Variants in NR5A2 observed in about 807,000 individuals in gnomAD.
The protein encoded by NR5A2 is CYP7A promoter-binding factor.
NR5A2 carries 26 observed loss-of-function variants against 62.7 expected under a neutral mutation model. The ratio of observed to expected loss-of-function variants is 0.41; its 90% CI spans 0.30 to 0.58. NR5A2 has a LOEUF of 0.58. Ranked by LOEUF, NR5A2 falls within the 20% of genes least tolerant of loss-of-function variation. The pLI is 0.22. For synonymous variants in NR5A2, 246 were observed against 241.7 expected, an observed-to-expected ratio of 1.02 and a Z score of -0.16; for missense variants, 541 against 669.1, an observed-to-expected ratio of 0.81 and a Z score of 2.11.
intron 5 of NR5A2, among the ~76,000 whole-genome samples, chr1:200,077,502 T>C (rs1314298911): frequency 6.6e-6 from 1 of 152,146 alleles, no homozygotes; most frequent in East Asian, 1.9e-4. Context: ...TCACCTAAGG[T>C]CAGGAGTTCA....
chr1:200,061,594 A>G (rs1283226649), intron 5 of NR5A2, among the ~76,000 whole-genome samples: 1 of 152,078 alleles, frequency 6.6e-6, no homozygotes, highest in African/African-American at 2.4e-5. Context: ...TAACTTTACA[A>G]CCAAACTTGA....
At chr1:200,139,396 GGT>G (rs1667355181) in intron 7 of NR5A2, among the ~76,000 whole-genome samples, 2 of 152,086 alleles carry the variant, frequency 1.3e-5, no homozygotes, top group African/African-American at 4.8e-5. Context: ...ATATTGACTT[GGT>G]GTGATAACAG....
intron 7 of NR5A2, among the ~76,000 whole-genome samples, chr1:200,137,463 GC>G (rs1278099251): frequency 8.6e-5 from 13 of 151,996 alleles, no homozygotes; most frequent in Non-Finnish European, 1.8e-4. Flanking sequence ...ACCACACCTG[GC>G]CCAGATTTTA....
chr1:200,167,663 T>A (rs114692818), intron 7 of NR5A2, among the ~76,000 whole-genome samples: 1 of 152,226 alleles, frequency 6.6e-6, no homozygotes, highest in African/African-American at 2.4e-5. Flanking sequence ...CCATCTGACA[T>A]GCAGCACTCT....
intron 2 of NR5A2, among the ~76,000 whole-genome samples, chr1:200,041,539 C>T (rs913550715): frequency 6.6e-6 from 1 of 152,160 alleles, no homozygotes; most frequent in Non-Finnish European, 1.5e-5. Flanking sequence ...CTACATGGTC[C>T]CGGGACAGAG....
rs566926912 is a variant in NR5A2, at chr1:200,121,054, T to G, written c.1378+99T>G. 3 of 1,208,686 alleles carry G rather than the reference T, an allele frequency of 2.5e-6. No individual in the cohort carries two copies. In the East Asian group the frequency reaches 7.1e-5, roughly 29 times the overall value. The allele number at this position is 1,208,686 out of a possible 1,614,324, so 74.9% of individuals were successfully genotyped here. A position where few individuals can be genotyped will look rare whatever the true frequency, so the allele number is the denominator to read the frequency against. ...TCCATGTATGTTTTTGTTCTATCAA[T>G]ATAATGCCCTTCCTGTCAAATTATG... On this transcript the variant is annotated intron_variant, in intron 7 of 7. Coordinates refer to ENST00000367362, the MANE Select transcript of NR5A2 (RefSeq NM_205860.3).
rs370987975 is a variant in NR5A2 at position 200,048,464 on chromosome 1, C to G, written c.756C>G (p.His252Gln). The change falls in exon 5 of 8, where the codon CAC (histidine) becomes CAG (glutamine). Residue 252 changes from histidine (H) to glutamine (Q), a missense_variant. Physicochemically the swap from His to Gln is conservative, Grantham distance 24. Around this residue, in one of 3 missense-constraint regions of NR5A2, gnomAD observed 379 missense variants for 442.0 expected, o/e 0.86. Transcript: ENST00000367362. The surrounding 1 kb of genome is among the most constrained non-coding windows in gnomAD (Gnocchi z 4.8). ...TSPISMTMPP[H>Q]GSLQGYQTYG... ...CCATTAGCATGACAATGCCCCCTCA[C>G]GGCAGCCTGCAAGGTTACCAAACAT... 1.1e-5 allele frequency: 17 copies of G among 1,614,080 alleles called. No homozygotes were observed. The highest frequency in any genetic ancestry group is 1.4e-5 in the Non-Finnish European group (17 of 1,180,046).
chr1:200,137,181 T>C (rs1201175560), intron 7 of NR5A2, among the ~76,000 whole-genome samples: 1 of 151,440 alleles, frequency 6.6e-6, no homozygotes, highest in Non-Finnish European at 1.5e-5. Context: ...GACAGAGTCT[T>C]GCTCTGTTAC....
intron 2 of NR5A2, chr1:200,042,731 G>C: frequency 2.0e-4 from 94 of 468,604 alleles, no homozygotes; most frequent in Middle Eastern, 1.1e-3. Context: ...CCCGCGCCCC[G>C]CGCTCCCATA....
intron 5 of NR5A2, among the ~76,000 whole-genome samples, chr1:200,050,860 C>T (rs898908960): frequency 1.3e-5 from 2 of 152,080 alleles, no homozygotes; most frequent in Admixed American, 6.6e-5. Context: ...CCATTGCACT[C>T]GAGCCTGGGT....
At chr1:200,131,229 T>G (rs1280924759) in intron 7 of NR5A2, among the ~76,000 whole-genome samples, 1 of 144,976 alleles carries the variant, frequency 6.9e-6, no homozygotes, top group African/African-American at 2.9e-5. Flanking sequence ...ATAATAGGTG[T>G]TGTGGATTTT....
At chr1:200,112,521 A>T (rs888365228) in intron 6 of NR5A2, among the ~76,000 whole-genome samples, 3 of 152,222 alleles carry the variant, frequency 2.0e-5, no homozygotes, top group African/African-American at 7.2e-5. Context: ...CTATTTGGAA[A>T]TGAAGGGCTG....
At chr1:200,078,885 A>G (rs1664162110) in intron 5 of NR5A2, among the ~76,000 whole-genome samples, 1 of 152,208 alleles carries the variant, frequency 6.6e-6, no homozygotes, top group Non-Finnish European at 1.5e-5. Context: ...TACCTTTACA[A>G]TAATAGCTTT....
intron 5 of NR5A2, among the ~76,000 whole-genome samples, chr1:200,097,123 A>C (rs922156978): frequency 1.3e-5 from 2 of 152,240 alleles, no homozygotes; most frequent in African/African-American, 4.8e-5. Context: ...GGAAAATGTA[A>C]ACGATTTCTT....
intron 7 of NR5A2, among the ~76,000 whole-genome samples, chr1:200,157,205 T>C (rs1354950361): frequency 6.6e-6 from 1 of 152,192 alleles, no homozygotes; most frequent in Non-Finnish European, 1.5e-5. Flanking sequence ...CTTAGAGCAA[T>C]TTACTAATTT....
At chr1:200,084,373 G>C (rs1664432189) in intron 5 of NR5A2, among the ~76,000 whole-genome samples, 1 of 152,116 alleles carries the variant, frequency 6.6e-6, no homozygotes, top group Non-Finnish European at 1.5e-5. Flanking sequence ...TATGCTCAGG[G>C]ATTATCTTAA....
intron 5 of NR5A2, among the ~76,000 whole-genome samples, chr1:200,084,190 T>G (rs1319756383): frequency 6.6e-6 from 1 of 152,086 alleles, no homozygotes; most frequent in Non-Finnish European, 1.5e-5. Flanking sequence ...TTTTAGTGAC[T>G]AAGAGCATTT....
intron 5 of NR5A2, among the ~76,000 whole-genome samples, chr1:200,106,884 C>T (rs1005543846): frequency 2.0e-5 from 3 of 152,126 alleles, no homozygotes; most frequent in Admixed American, 2.0e-4. Flanking sequence ...ACTATGTTAT[C>T]CAAAGCACCA....
chr1:200,029,214 GCGCGCGCACGGGGGA>G (rs750667800), intron 1 of NR5A2: 4 of 243,612 alleles, frequency 1.6e-5, no homozygotes, highest in South Asian at 1.3e-4. Flanking sequence ...GACGCGGACT[GCGCGCGCACGGGGGA>G]CGCGCGCTCG....
Sources: gnomAD v4.1 joint callset for allele counts (sites outside exome capture counted in the v4.1 genomes callset) on GRCh38, gnomAD v4.1.1 for gene constraint, gnomAD v4.1.1 regional missense constraint, Gnocchi (gnomAD v3.1) non-coding constraint, MANE v1.5 for transcripts, NCBI Gene and HGNC (gene_info 2026-07-23, HGNC 2026-07-21) for gene names.